Variants in SNX19 observed in about 807,000 individuals in gnomAD.
SNX19 encodes sorting nexin-19.
Under a neutral mutation model 85.2 loss-of-function variants are expected in SNX19, and 60 were observed. The ratio of observed to expected loss-of-function variants is 0.70; its 90% CI spans 0.57 to 0.87. The LOEUF (loss-of-function observed/expected upper bound fraction) is 0.87. Among genes scored for constraint, SNX19 ranks in the 40% least tolerant of loss-of-function variants. The pLI is 0.00. For synonymous variants in SNX19, 520 were observed against 470.0 expected (o/e 1.11, Z -1.38); for missense variants, 1,201 against 1,217.8 (o/e 0.99, Z 0.21).
chr11:130,907,345 C>T (rs1945746623), intron 5 of SNX19, among the ~76,000 whole-genome samples: 1 of 152,218 alleles, frequency 6.6e-6, no homozygotes. Context: ...CACACATACA[C>T]ACATGCTCTC....
intron 7 of SNX19, chr11:130,905,611 G>C: frequency 7.2e-7 from 1 of 1,391,462 alleles, no homozygotes; most frequent in African/African-American, 1.4e-5. Context: ...CCAGGAAACT[G>C]AGACACTAAG....
chr11:130,902,478 A>G (rs1234720150), intron 8 of SNX19, among the ~76,000 whole-genome samples: 1 of 152,216 alleles, frequency 6.6e-6, no homozygotes, highest in East Asian at 1.9e-4. Flanking sequence ...TGCTAAGAGA[A>G]GGTCAGCATT....
chr11:130,876,506 T>G lies in SNX19; in HGVS notation c.*1916A>C, dbSNP rs1943262035. 1 of 152,626 alleles carries G rather than the reference T, an allele frequency of 6.6e-6. No homozygotes were observed. Among genetic ancestry groups the G allele is most frequent in the African/African-American group, 2.4e-5 (1 of 41,436 alleles). The allele number at this position is 152,626 out of a possible 1,614,324, so 9.5% of individuals were successfully genotyped here. A position where few individuals can be genotyped will look rare whatever the true frequency, so the allele number is the denominator to read the frequency against. On this transcript the variant is annotated 3_prime_UTR_variant, in exon 11 of 11. Coordinates refer to ENST00000265909, the MANE Select transcript of SNX19 (RefSeq NM_014758.3). The stretch of plus-strand genomic sequence containing the variant: ...CTTAGAATTTATAGCCACAGGGATT[T>G]CATGGTGTGTCTGATGTACTGATTT...
Position 130,914,754 on chromosome 11 carries a change from C to G in SNX19, c.1186G>C (p.Asp396His). The stretch of plus-strand genomic sequence containing the variant: ...GCACACAGGGCATCCTGAATCCTGT[C>G]AGAGAGAAAGCTGCCTGGAGTCATG... Reference protein sequence around the residue: ...MLMTPGSFLSDRIQDALCALE... With the variant: ...MLMTPGSFLSHRIQDALCALE... Residue 396 changes from aspartate to histidine, a missense_variant, in exon 1 of 11, where the codon GAC (aspartate) becomes CAC (histidine). Transcript: ENST00000265909. The G allele has an allele frequency of 6.2e-7, 1 of 1,614,138 alleles. No homozygotes were observed. The highest frequency in any genetic ancestry group is 8.5e-7 in the Non-Finnish European group (1 of 1,180,046).
intron 8 of SNX19, among the ~76,000 whole-genome samples, chr11:130,888,498 G>A (rs1565516216): frequency 6.6e-6 from 1 of 152,136 alleles, no homozygotes; most frequent in Non-Finnish European, 1.5e-5. Context: ...GCAAAAACTT[G>A]TTGGAATCCA....
At position 130,875,217 on chromosome 11, in the gene SNX19, C is replaced by G. The variant is rs1270385223; in HGVS notation, c.*3205G>C. On this transcript the variant is annotated 3_prime_UTR_variant, in exon 11 of 11. Coordinates refer to ENST00000265909, the MANE Select transcript of SNX19 (RefSeq NM_014758.3). ...TGTCACATGCTGTAACGTGGATGAA[C>G]CTGGAGGACATTATGCTAAGTGAAA... is the stretch of plus-strand genomic sequence containing the variant. Among the ~76,000 whole-genome samples, 1 of 152,146 alleles carries G rather than the reference C, an allele frequency of 6.6e-6. No individual in the cohort carries two copies. Among genetic ancestry groups the G allele is most frequent in the Non-Finnish European group, 1.5e-5 (1 of 68,026 alleles).
chr11:130,916,306 G>A lies in SNX19; in HGVS notation c.-367C>T, dbSNP rs1344188819. The A allele has an allele frequency of 4.4e-6, 1 of 225,944 alleles. No homozygotes were observed. Among genetic ancestry groups the A allele is most frequent in the Non-Finnish European group, 8.9e-6 (1 of 112,348 alleles). 14.0% of individuals were successfully genotyped at this position (225,944 alleles called of 1,614,324 possible). A position where few individuals can be genotyped will look rare whatever the true frequency, so the allele number is the denominator to read the frequency against. ...CACGCAGCGGGCAGCGGCCGGCGAAGACTGGGTCACACGCCGCCGGGAACC... is the reference window on the plus strand; with the variant it reads ...CACGCAGCGGGCAGCGGCCGGCGAAAACTGGGTCACACGCCGCCGGGAACC... On this transcript the variant is annotated 5_prime_UTR_variant, in exon 1 of 11. Coordinates refer to ENST00000265909, the MANE Select transcript of SNX19 (RefSeq NM_014758.3).
rs1946565766 is a variant in SNX19 at position 130,916,049 on chromosome 11, G to A, written c.-110C>T. 9.9e-7 allele frequency: 1 copy of A among 1,005,086 alleles called. No individual in the cohort carries two copies. The highest frequency in any genetic ancestry group is 1.5e-6 in the Non-Finnish European group (1 of 689,234). The allele number at this position is 1,005,086 out of a possible 1,614,324, so 62.3% of individuals were successfully genotyped here. ...TCAGATATGGGGCGATCTGGGTGCT[G>A]TTCAGGGAACCGGGGCTCCAGGCCC... On this transcript the variant is annotated 5_prime_UTR_variant, in exon 1 of 11. Transcript: ENST00000265909.
intron 8 of SNX19, among the ~76,000 whole-genome samples, chr11:130,891,468 T>C (rs1356796019): frequency 6.6e-6 from 1 of 152,190 alleles, no homozygotes; most frequent in East Asian, 1.9e-4. Context: ...TAGCTTATGT[T>C]TGGTCAATTT....
intron 8 of SNX19, among the ~76,000 whole-genome samples, chr11:130,884,852 A>G (rs1274241417): frequency 1.4e-5 from 2 of 147,400 alleles, no homozygotes; most frequent in East Asian, 4.0e-4. Context: ...AGCCTGGGTG[A>G]CAGAGGGAGA....
chr11:130,903,134 C>A (rs1945373220), intron 8 of SNX19, 121 bp downstream of exon 8: 1 of 1,415,136 alleles, frequency 7.1e-7, no homozygotes. Flanking sequence ...ATCCCTGTAA[C>A]CCCTGTAACA....
At chr11:130,911,873 G>A (rs367787069) in intron 1 of SNX19, 102 bp from the exon 2 acceptor site, 8 of 1,111,504 alleles carry the variant, frequency 7.2e-6, no homozygotes, top group African/African-American at 4.6e-5. Flanking sequence ...GCAAGAGTAC[G>A]AAACTAAGAA....
rs1565492214 is a variant in SNX19 at position 130,870,516 on chromosome 11, T to C, written c.*7906A>G. Among the ~76,000 whole-genome samples the C allele has an allele frequency of 6.6e-6, 1 of 152,228 alleles. No individual in the cohort carries two copies. The highest frequency in any genetic ancestry group is 1.5e-5 in the Non-Finnish European group (1 of 68,038). ...TGGGTTCCCACCCACACGCAAGATG[T>C]ACAAAGCTGTCTGGGGCAGGTCTGG... On this transcript the variant is annotated 3_prime_UTR_variant, in exon 11 of 11. Coordinates refer to ENST00000265909, the MANE Select transcript of SNX19 (RefSeq NM_014758.3).
intron 8 of SNX19, among the ~76,000 whole-genome samples, chr11:130,896,240 T>C (rs7126906): frequency 6.6e-6 from 1 of 151,926 alleles, no homozygotes; most frequent in Non-Finnish European, 1.5e-5. Flanking sequence ...AGAGCTGAAC[T>C]GGAAGAAAAA....
rs1251290519 is a variant in SNX19 at position 130,868,515 on chromosome 11, T to A, written c.*9907A>T. 6.6e-6 allele frequency: 1 copy of A among 152,216 alleles called. No homozygotes were observed. Among genetic ancestry groups the A allele is most frequent in the Non-Finnish European group, 1.5e-5 (1 of 68,090 alleles). 9.4% of individuals were successfully genotyped at this position (152,216 alleles called of 1,614,324 possible). A position where few individuals can be genotyped will look rare whatever the true frequency, so the allele number is the denominator to read the frequency against. Reference sequence around the variant, plus strand: ...AGCCTGGGGTCTGTTTCTGGGACATTTCCACCTTAGATTAGACAGGCATTG... The same window carrying A: ...AGCCTGGGGTCTGTTTCTGGGACATATCCACCTTAGATTAGACAGGCATTG... On this transcript the variant is annotated 3_prime_UTR_variant, in exon 11 of 11. Transcript: ENST00000265909.
Position 130,886,181 on chromosome 11 carries a change from C to T in SNX19, c.2574-5375G>A, listed in dbSNP as rs74959290. 7.9e-3 allele frequency among the ~76,000 whole-genome samples: 1,202 copies of T among 152,276 alleles called. 11 individuals are homozygous for T. The highest frequency in any genetic ancestry group is 0.023 in the South Asian group (110 of 4,818). On this transcript the variant is annotated intron_variant, in intron 8 of 10. Transcript: ENST00000265909. ...CTCATGGTTGTAGCGCAATGTTTTTCGACCTGTGGGCTGGACATCATTAGA... is the reference window on the plus strand; with the variant it reads ...CTCATGGTTGTAGCGCAATGTTTTTTGACCTGTGGGCTGGACATCATTAGA...
chr11:130,901,088 G>C (rs1457629595), intron 8 of SNX19, among the ~76,000 whole-genome samples: 1 of 152,136 alleles, frequency 6.6e-6, no homozygotes, highest in Non-Finnish European at 1.5e-5. Flanking sequence ...GATAATTCAC[G>C]TTGTTTGGCA....
chr11:130,905,568 G>T, intron 7 of SNX19: 1 of 1,048,238 alleles, frequency 9.5e-7, no homozygotes, highest in Non-Finnish European at 1.3e-6. Context: ...CAACAGAGTG[G>T]ACTAAGAAGC....
rs1166933546 is a variant in SNX19 at position 130,881,412 on chromosome 11, C to T, written c.2574-606G>A. On this transcript the variant is annotated intron_variant, in intron 8 of 10. Transcript: ENST00000265909. ...ACAGAACAGAACACTAAAAGGGCCT[C>T]CGTCTCTGGGTGAGCCTGCACCTAT... Among the ~76,000 whole-genome samples, 3 of 152,180 alleles carry T rather than the reference C, an allele frequency of 2.0e-5. No homozygotes were observed. The East Asian group carries it at 5.8e-4, about 29-fold the overall frequency.
Sources: allele counts gnomAD v4.1 joint callset (sites outside exome capture counted in the v4.1 genomes callset), GRCh38; gene constraint gnomAD v4.1.1; transcripts MANE v1.5; gene names NCBI Gene and HGNC (gene_info 2026-07-23, HGNC 2026-07-21).